Variants in ADAMTSL1 observed in about 807,000 individuals in gnomAD.
ADAMTSL1 encodes the protein ADAMTS like 1.
Under a neutral mutation model 201.8 loss-of-function variants are expected in ADAMTSL1, and 126 were observed. The ratio of observed to expected loss-of-function variants is 0.62; its 90% CI spans 0.54 to 0.72. The LOEUF (loss-of-function observed/expected upper bound fraction) is 0.72. ADAMTSL1 is among the 30% of genes least tolerant of loss of function. ADAMTSL1 has a pLI of 0.00. For synonymous variants in ADAMTSL1, 1,121 were observed against 903.4 expected (o/e 1.24, Z -4.32); for missense variants, 2,679 against 2,277.8 (o/e 1.18, Z -3.59).
chr9:18,452,014 G>A (rs778244540), intron 2 of ADAMTSL1, among the ~76,000 whole-genome samples: 5 of 152,178 alleles, frequency 3.3e-5, no homozygotes, highest in Non-Finnish European at 4.4e-5. Context: ...AGGTTCAAGC[G>A]ATTCTCCTCC....
At chr9:18,116,445 C>T (rs1184871917) in intron 1 of ADAMTSL1, among the ~76,000 whole-genome samples, 1 of 152,126 alleles carries the variant, frequency 6.6e-6, no homozygotes, top group East Asian at 1.9e-4. Flanking sequence ...GTGTTTCTGA[C>T]ATAAGGGCTC....
chr9:18,537,183 A>G (rs1448129859), intron 3 of ADAMTSL1, among the ~76,000 whole-genome samples: 1 of 152,220 alleles, frequency 6.6e-6, no homozygotes, highest in Non-Finnish European at 1.5e-5. Context: ...TTTCATTCTA[A>G]TGGAGAAAAA....
At chr9:18,649,432 G>A (rs923050489) in intron 7 of ADAMTSL1, among the ~76,000 whole-genome samples, 46 of 152,192 alleles carry the variant, frequency 3.0e-4, no homozygotes, top group Non-Finnish European at 4.9e-4. Context: ...TGCTGGTGAG[G>A]AGCTGCATTC....
At chr9:18,155,321 C>T (rs1431542352) in intron 1 of ADAMTSL1, among the ~76,000 whole-genome samples, 1 of 151,994 alleles carries the variant, frequency 6.6e-6, no homozygotes. Context: ...ACACATCTGC[C>T]TTTTAGTGCT....
chr9:18,839,536 T>A (rs1296129970), intron 23 of ADAMTSL1, among the ~76,000 whole-genome samples: 1 of 152,196 alleles, frequency 6.6e-6, no homozygotes, highest in Non-Finnish European at 1.5e-5. Flanking sequence ...TATAGTCCTT[T>A]GGGTATATAC....
chr9:18,108,356 T>C (rs1235823467), intron 1 of ADAMTSL1, among the ~76,000 whole-genome samples: 1 of 152,014 alleles, frequency 6.6e-6, no homozygotes, highest in Non-Finnish European at 1.5e-5. Context: ...TGTGCCACCA[T>C]GCCCAGCTAA....
At chr9:18,621,907 C>G (rs888499967) in intron 4 of ADAMTSL1, among the ~76,000 whole-genome samples, 1 of 152,080 alleles carries the variant, frequency 6.6e-6, no homozygotes, top group African/African-American at 2.4e-5. Flanking sequence ...AGGAGTTATT[C>G]TTGAATTAAG....
chr9:18,834,072 G>GT (rs990354156), intron 23 of ADAMTSL1, among the ~76,000 whole-genome samples: 1 of 152,118 alleles, frequency 6.6e-6, no homozygotes, highest in Non-Finnish European at 1.5e-5. Flanking sequence ...CCAGCACCAT[G>GT]TTTTTTGGTG....
At chr9:18,309,578 C>T (rs927124173) in intron 2 of ADAMTSL1, among the ~76,000 whole-genome samples, 14 of 151,892 alleles carry the variant, frequency 9.2e-5, no homozygotes, top group African/African-American at 3.1e-4. Flanking sequence ...AGTGCACTCC[C>T]ATTTAAAATT....
chr9:18,323,736 T>C (rs1043242792), intron 2 of ADAMTSL1, among the ~76,000 whole-genome samples: 5 of 152,130 alleles, frequency 3.3e-5, no homozygotes, highest in African/African-American at 1.2e-4. Flanking sequence ...TTCAATAGCT[T>C]TAAACATATG....
intron 2 of ADAMTSL1, among the ~76,000 whole-genome samples, chr9:18,410,794 T>C (rs1390846914): frequency 6.6e-6 from 1 of 152,074 alleles, no homozygotes; most frequent in Non-Finnish European, 1.5e-5. Context: ...GCCCTGAATC[T>C]TTTAATCTGT....
intron 20 of ADAMTSL1, among the ~76,000 whole-genome samples, chr9:18,805,919 G>A (rs576034135): frequency 6.6e-5 from 10 of 152,200 alleles, no homozygotes; most frequent in African/African-American, 1.4e-4. Context: ...TTGTTGCCCC[G>A]TTTCCATTTA....
intron 2 of ADAMTSL1, among the ~76,000 whole-genome samples, chr9:18,283,045 A>C (rs1422903691): frequency 6.6e-6 from 1 of 152,232 alleles, no homozygotes; most frequent in Non-Finnish European, 1.5e-5. Context: ...TTAAAAGAAG[A>C]GAATTGAAAT....
chr9:17,967,753 G>A (rs1400977248), intron 1 of ADAMTSL1, among the ~76,000 whole-genome samples: 1 of 151,948 alleles, frequency 6.6e-6, no homozygotes, highest in Non-Finnish European at 1.5e-5. Flanking sequence ...GATGGTAACT[G>A]CTTTTCTGAA....
At chr9:18,622,416 T>G in intron 5 of ADAMTSL1, 47 bp downstream of exon 5, 2 of 1,613,436 alleles carry the variant, frequency 1.2e-6, no homozygotes, top group African/African-American at 1.3e-5. Context: ...TGACTTATCC[T>G]CTCCTGGCTT....
At chr9:17,985,241 T>C (rs578165361) in intron 1 of ADAMTSL1, among the ~76,000 whole-genome samples, 1 of 152,172 alleles carries the variant, frequency 6.6e-6, no homozygotes, top group Non-Finnish European at 1.5e-5. Context: ...TTGAATAGAA[T>C]GATGTAATCA....
At chr9:18,098,258 T>C (rs986976914) in intron 1 of ADAMTSL1, among the ~76,000 whole-genome samples, 1 of 152,132 alleles carries the variant, frequency 6.6e-6, no homozygotes, top group African/African-American at 2.4e-5. Flanking sequence ...TCCAACTTTG[T>C]TCTTCCTTTT....
intron 1 of ADAMTSL1, among the ~76,000 whole-genome samples, chr9:17,914,328 C>G (rs940885207): frequency 2.0e-5 from 3 of 152,140 alleles, no homozygotes; most frequent in African/African-American, 7.2e-5. Context: ...CCACCATGAT[C>G]AAGTGGGTTT....
chr9:18,894,019 G>T (rs1829458592), intron 26 of ADAMTSL1, among the ~76,000 whole-genome samples: 1 of 151,896 alleles, frequency 6.6e-6, no homozygotes, highest in Non-Finnish European at 1.5e-5. Flanking sequence ...GAAGGGAAAA[G>T]CAGCCCACAA....
Sources: allele counts gnomAD v4.1 joint callset (sites outside exome capture counted in the v4.1 genomes callset), GRCh38; gene constraint gnomAD v4.1.1; transcripts MANE v1.5; gene names NCBI Gene and HGNC (gene_info 2026-07-23, HGNC 2026-07-21).